The following PPFIA3 variants were observed in gnomAD, a reference collection of about 807,000 sequenced individuals.
PPFIA3 encodes liprin-alpha-3.
Under a neutral mutation model 145.8 loss-of-function variants are expected in PPFIA3, and 26 were observed. That is an observed-to-expected ratio of 0.18 (90% CI 0.13 to 0.25). The LOEUF is 0.25. Ranked by LOEUF, PPFIA3 falls within the 10% of genes least tolerant of loss-of-function variation. The probability of loss-of-function intolerance (pLI) is 1.00; values close to 1 mark genes in which losing one functional copy is unlikely to be tolerated. For synonymous variants in PPFIA3, 645 were observed against 661.4 expected (o/e 0.98, Z 0.38); for missense variants, 1,008 against 1,587.8 (o/e 0.63, Z 6.21).
chr19:49,134,948 T>C (rs1351816496), intron 13 of PPFIA3, 33 bp downstream of exon 13: 1 of 1,513,552 alleles, frequency 6.6e-7, no homozygotes, highest in East Asian at 2.3e-5. Context: ...GCCCCCACCA[T>C]GGAGCCCCGT....
Position 49,149,854 on chromosome 19 carries a change from G to C in PPFIA3, c.3526+136G>C. 8.2e-7 allele frequency: 1 copy of C among 1,223,110 alleles called. No individual in the cohort carries two copies. The allele number at this position is 1,223,110 out of a possible 1,614,324, so 75.8% of individuals were successfully genotyped here. ...AGGAATGGACTGCTCCAACGTTCCG[G>C]ACTCCCCCGTCAGGATGAAATGGAT... On this transcript the variant is annotated intron_variant, in intron 28 of 29. Coordinates refer to ENST00000334186, the MANE Select transcript of PPFIA3 (RefSeq NM_003660.4). This position sits in a 1 kb window ranked among gnomAD's most constrained non-coding sequence, Gnocchi z 5.7.
intron 16 of PPFIA3, among the ~76,000 whole-genome samples, chr19:49,139,303 G>A (rs1457400127): frequency 1.4e-5 from 2 of 145,276 alleles, no homozygotes; most frequent in Admixed American, 6.9e-5. Flanking sequence ...CCAGCCTGGC[G>A]ACAGAGCTAG....
At position 49,130,153 on chromosome 19, in the gene PPFIA3, C is replaced by T. The variant is rs368102290; in HGVS notation, c.657+86C>T. 2.1e-6 allele frequency: 3 copies of T among 1,412,350 alleles called. No homozygotes were observed. Among genetic ancestry groups the T allele is most frequent in the Non-Finnish European group, 2.9e-6 (3 of 1,030,234 alleles). 87.5% of individuals were successfully genotyped at this position (1,412,350 alleles called of 1,614,324 possible). ...TTTGTAACGTTTGGTATCATCCTCA[C>T]TGGCCCTAAGACGGCTGCACCTGTA... On this transcript the variant is annotated intron_variant, in intron 6 of 29. Transcript: ENST00000334186. The surrounding 1 kb of genome is among the most constrained non-coding windows in gnomAD (Gnocchi z 4.5).
rs548828953 is a variant in PPFIA3 at position 49,137,068 on chromosome 19, C to T, written c.1853+157C>T. 296 of 648,950 alleles carry T rather than the reference C, an allele frequency of 4.6e-4. No homozygotes were observed. In the African/African-American group the frequency reaches 5.0e-3, roughly 11 times the overall value. 40.2% of individuals were successfully genotyped at this position (648,950 alleles called of 1,614,324 possible). On this transcript the variant is annotated intron_variant, in intron 15 of 29. Coordinates refer to ENST00000334186, the MANE Select transcript of PPFIA3 (RefSeq NM_003660.4). The stretch of plus-strand genomic sequence containing the variant: ...ACTCACTCCGCTGTCCAGGCATCCC[C>T]TAGGATACACTCAGAAGTCTTCTAT...
chr19:49,128,604 C>A lies in PPFIA3; in HGVS notation c.342+136C>A. On this transcript the variant is annotated intron_variant, in intron 3 of 29. Transcript: ENST00000334186. This position sits in a 1 kb window ranked among gnomAD's most constrained non-coding sequence, Gnocchi z 4.1. Reference sequence around the variant, plus strand: ...CCTTTCTGTCTTCTCCTCTTCCCTGCTCCCACTTCCTGGCTGGTCTCCCAC... The same window carrying A: ...CCTTTCTGTCTTCTCCTCTTCCCTGATCCCACTTCCTGGCTGGTCTCCCAC... 1.2e-6 allele frequency: 1 copy of A among 843,044 alleles called. No homozygotes were observed. The highest frequency in any genetic ancestry group is 1.6e-5 in the South Asian group (1 of 61,230). 52.2% of individuals were successfully genotyped at this position (843,044 alleles called of 1,614,324 possible).
intron 20 of PPFIA3, 78 bp from the exon 21 acceptor site, chr19:49,142,726 C>G (rs1815569818): frequency 1.5e-6 from 2 of 1,322,556 alleles, no homozygotes; most frequent in Admixed American, 3.6e-5. Flanking sequence ...CTTTCCCCAC[C>G]TCCCTGTTCC....
chr19:49,141,406 C>T lies in PPFIA3; in HGVS notation c.2369-14C>T. 6.2e-7 allele frequency: 1 copy of T among 1,611,662 alleles called. No homozygotes were observed. The highest frequency in any genetic ancestry group is 8.5e-7 in the Non-Finnish European group (1 of 1,178,158). Reference sequence around the variant, plus strand: ...CTTGAGATTTTCCAAATTTCGACCCCTCCCTGCCTCCAGCTGGAACACCCT... The same window carrying T: ...CTTGAGATTTTCCAAATTTCGACCCTTCCCTGCCTCCAGCTGGAACACCCT... On this transcript the variant is annotated splice_polypyrimidine_tract_variant and intron_variant, in intron 18 of 29. Transcript: ENST00000334186.
At chr19:49,127,821 A>T in intron 1 of PPFIA3, 38 bp from the exon 2 acceptor site, 2 of 1,577,162 alleles carry the variant, frequency 1.3e-6, no homozygotes, top group South Asian at 1.1e-5. Context: ...TTGTGCCTTG[A>T]CAAGGCCGGT....
At chr19:49,134,617 C>CA (rs1343022497) in intron 11 of PPFIA3, 22 bp from the exon 12 acceptor site, 1 of 1,612,136 alleles carries the variant, frequency 6.2e-7, no homozygotes, top group Non-Finnish European at 8.5e-7. Flanking sequence ...CTCACTCCCT[C>CA]ACTTCACCTC....
rs978753981 is a variant in PPFIA3 at position 49,149,852 on chromosome 19, C to A, written c.3526+134C>A. 5 of 1,218,072 alleles carry A rather than the reference C, an allele frequency of 4.1e-6. No homozygotes were observed. In the African/African-American group the frequency reaches 6.1e-5, roughly 15 times the overall value. The allele number at this position is 1,218,072 out of a possible 1,614,324, so 75.5% of individuals were successfully genotyped here. A position where few individuals can be genotyped will look rare whatever the true frequency, so the allele number is the denominator to read the frequency against. On this transcript the variant is annotated intron_variant, in intron 28 of 29. Transcript: ENST00000334186. This position sits in a 1 kb window ranked among gnomAD's most constrained non-coding sequence, Gnocchi z 5.7. ...TGAGGAATGGACTGCTCCAACGTTC[C>A]GGACTCCCCCGTCAGGATGAAATGG... is the stretch of plus-strand genomic sequence containing the variant.
chr19:49,122,169 C>G (rs2040944100), intron 1 of PPFIA3, among the ~76,000 whole-genome samples: 1 of 151,414 alleles, frequency 6.6e-6, no homozygotes, highest in Admixed American at 6.6e-5. Context: ...CAACCTCTGC[C>G]TCCCGCGTTC....
chr19:49,134,634 C>T lies in PPFIA3; in HGVS notation c.1378-5C>T. On this transcript the variant is annotated splice_polypyrimidine_tract_variant and splice_region_variant and intron_variant, in intron 11 of 29. Coordinates refer to ENST00000334186, the MANE Select transcript of PPFIA3 (RefSeq NM_003660.4). Reference sequence around the variant, plus strand: ...CACTCCCTCACTTCACCTCTGTCTCCACAGAACTCCCTGAGCGAGGAGATA... The same window carrying T: ...CACTCCCTCACTTCACCTCTGTCTCTACAGAACTCCCTGAGCGAGGAGATA... The T allele has an allele frequency of 6.2e-7, 1 of 1,613,534 alleles. No homozygotes were observed. The highest frequency in any genetic ancestry group is 8.5e-7 in the Non-Finnish European group (1 of 1,179,848).
Position 49,149,925 on chromosome 19 carries a change from CGA to C in PPFIA3, c.3527-153_3527-152del, listed in dbSNP as rs1236952305. On this transcript the variant is annotated intron_variant, in intron 28 of 29. Transcript: ENST00000334186. The surrounding 1 kb of genome is among the most constrained non-coding windows in gnomAD (Gnocchi z 5.7). ...AGGGCGGGAGTGAACTCGCCCAATG[CGA>C]GTTTGAGTCCTTGGCTGCGGGGAAG... 2.1e-4 allele frequency: 242 copies of C among 1,135,028 alleles called. 2 individuals carry two copies. In the South Asian group the frequency reaches 3.5e-3, roughly 16 times the overall value. The allele number at this position is 1,135,028 out of a possible 1,614,324, so 70.3% of individuals were successfully genotyped here. A position where few individuals can be genotyped will look rare whatever the true frequency, so the allele number is the denominator to read the frequency against.
chr19:49,129,794 C>T (rs1209374225), intron 5 of PPFIA3, among the ~76,000 whole-genome samples, 199 bp from the exon 6 acceptor site: 2 of 152,116 alleles, frequency 1.3e-5, no homozygotes, highest in African/African-American at 2.4e-5. Context: ...TAAGGGTAGA[C>T]GCCCTCCGTG....
At position 49,134,680 on chromosome 19, in the gene PPFIA3, G is replaced by A; in HGVS notation, c.1419G>A (p.Gln473=). ...SEEIANMKKL[Q]DELLLNKEQL... The stretch of plus-strand genomic sequence containing the variant: ...AGATAGCCAACATGAAGAAGCTTCA[G>A]GATGAGTTGCTGCTAAACAAGGTAG... The change falls in exon 12 of 30, where the codon CAG becomes CAA. Residue 473 remains glutamine (Q), a synonymous_variant. Coordinates refer to ENST00000334186, the MANE Select transcript of PPFIA3 (RefSeq NM_003660.4). 6.2e-7 allele frequency: 1 copy of A among 1,614,038 alleles called. No individual in the cohort carries two copies. Among genetic ancestry groups the A allele is most frequent in the Non-Finnish European group, 8.5e-7 (1 of 1,180,008 alleles).
chr19:49,129,594 A>G lies in PPFIA3; in HGVS notation c.582+140A>G, dbSNP rs565176126. ...GGCAGACAAGCTATGGGGTTGGACT[A>G]TGGAGAGAAACCAGTGGGGTTCCTA... On this transcript the variant is annotated intron_variant, in intron 5 of 29. Coordinates refer to ENST00000334186, the MANE Select transcript of PPFIA3 (RefSeq NM_003660.4). The G allele has an allele frequency of 3.5e-5, 31 of 898,514 alleles. No individual in the cohort carries two copies. The South Asian group carries it at 5.1e-4, about 15-fold the overall frequency. 55.7% of individuals were successfully genotyped at this position (898,514 alleles called of 1,614,324 possible).
chr19:49,146,407 A>C (rs1402304989), intron 23 of PPFIA3: 1 of 618,752 alleles, frequency 1.6e-6, no homozygotes, highest in African/African-American at 1.8e-5. Flanking sequence ...TTGCATAGTC[A>C]GCCTTATGCA....
At position 49,148,178 on chromosome 19, in the gene PPFIA3, G is replaced by A. The variant is rs1454040372; in HGVS notation, c.2931G>A (p.Ser977=). ...LPQYRSYFME[S]LVDARMLDHL... is the part of the protein sequence containing the mutation. ...AATACCGCAGCTACTTCATGGAGTCGCTGGTGGACGCTCGAATGTTAGATC... is the reference window on the plus strand; with the variant it reads ...AATACCGCAGCTACTTCATGGAGTCACTGGTGGACGCTCGAATGTTAGATC... Residue 977 remains serine (S), a synonymous_variant, in exon 24 of 30, where the codon TCG becomes TCA. Coordinates refer to ENST00000334186, the MANE Select transcript of PPFIA3 (RefSeq NM_003660.4). 2 of 1,614,224 alleles carry A rather than the reference G, an allele frequency of 1.2e-6. No homozygotes were observed. Among genetic ancestry groups the A allele is most frequent in the African/African-American group, 1.3e-5 (1 of 75,058 alleles).
chr19:49,133,727 A>G lies in PPFIA3; in HGVS notation c.1162-69A>G, dbSNP rs576670120. On this transcript the variant is annotated intron_variant, in intron 9 of 29. Transcript: ENST00000334186. This position sits in a 1 kb window ranked among gnomAD's most constrained non-coding sequence, Gnocchi z 7.2. ...GGCGGAGCCTGGCGCTCAGCCTTGG[A>G]GGAGGTGGGGCTGGGAGCCTGACTG... The G allele has an allele frequency of 5.3e-6, 8 of 1,499,706 alleles. No individual in the cohort carries two copies. In the East Asian group the frequency reaches 1.1e-4, roughly 21 times the overall value. The allele number at this position is 1,499,706 out of a possible 1,614,324, so 92.9% of individuals were successfully genotyped here. A position where few individuals can be genotyped will look rare whatever the true frequency, so the allele number is the denominator to read the frequency against.
Sources: allele counts gnomAD v4.1 joint callset (sites outside exome capture counted in the v4.1 genomes callset), GRCh38; gene constraint gnomAD v4.1.1; non-coding constraint Gnocchi (gnomAD v3.1); transcripts MANE v1.5; gene names NCBI Gene and HGNC (gene_info 2026-07-23, HGNC 2026-07-21).